MLIP: variants seen among roughly 807,000 people sequenced by gnomAD.
The protein encoded by MLIP is muscular LMNA interacting protein.
Under a neutral mutation model 84.8 loss-of-function variants are expected in MLIP, and 79 were observed. The observed-to-expected ratio is 0.93, with a 90% CI of 0.78 to 1.12. MLIP has a LOEUF of 1.12. Ranked by LOEUF, MLIP falls within the 50% of genes most tolerant of loss-of-function variation. MLIP has a pLI of 0.00. For synonymous variants in MLIP, 504 were observed against 463.0 expected (o/e 1.09, Z -1.14); for missense variants, 1,257 against 1,160.6 (o/e 1.08, Z -1.21).
intron 11 of MLIP, chr6:54,217,172 G>C (rs1779911429): frequency 1.0e-6 from 1 of 985,278 alleles, no homozygotes; most frequent in Admixed American, 6.2e-5. Context: ...AAGGTGTCTT[G>C]TACTCAGACA....
At chr6:54,233,190 T>C (rs1476334105) in intron 12 of MLIP, among the ~76,000 whole-genome samples, 2 of 152,194 alleles carry the variant, frequency 1.3e-5, no homozygotes, top group Non-Finnish European at 2.9e-5. Flanking sequence ...TTTTTTGTTT[T>C]AATTATACTT....
chr6:54,172,782 G>A (rs1156400310), intron 9 of MLIP, among the ~76,000 whole-genome samples: 5 of 151,344 alleles, frequency 3.3e-5, no homozygotes, highest in Admixed American at 1.3e-4. Flanking sequence ...TTTATTGCAC[G>A]TATTGTGACA....
intron 1 of MLIP, among the ~76,000 whole-genome samples, chr6:54,106,134 G>T (rs1561934504): frequency 6.6e-6 from 1 of 152,092 alleles, no homozygotes; most frequent in Non-Finnish European, 1.5e-5. Context: ...GAGAGACTGG[G>T]CTACAGAGTG....
In MLIP at chr6:54,066,983, T is replaced by C. The variant is rs1766250951; in HGVS notation, c.63+47892T>C. ...TGAGTGATATCCAGAGGAAAAAAAA[T>C]CTACTTTCATTCCCATTTTGAGGCC... On this transcript the variant is annotated intron_variant, in intron 1 of 12. Coordinates refer to the MLIP transcript ENST00000274897. Among the ~76,000 whole-genome samples the C allele has an allele frequency of 2.0e-5, 2 of 100,538 alleles. 1 individual carries two copies. The highest frequency in any genetic ancestry group is 5.7e-5 in the Non-Finnish European group (2 of 34,894). The allele number at this position is 100,538 out of a possible 152,430, so 66.0% of individuals were successfully genotyped here.
At chr6:54,227,364 G>A (rs1326488734) in intron 11 of MLIP, among the ~76,000 whole-genome samples, 1 of 152,108 alleles carries the variant, frequency 6.6e-6, no homozygotes, top group Admixed American at 6.5e-5. Context: ...AAGGAAATGA[G>A]ATGAGAATTT....
intron 5 of MLIP, among the ~76,000 whole-genome samples, chr6:54,154,746 A>G (rs1349205318): frequency 1.3e-5 from 2 of 152,180 alleles, no homozygotes; most frequent in African/African-American, 4.8e-5. Context: ...AAATGAGAGC[A>G]AGAAGAGTAT....
intron 1 of MLIP, among the ~76,000 whole-genome samples, chr6:54,040,463 G>C (rs1249651863): frequency 6.6e-6 from 1 of 151,994 alleles, no homozygotes; most frequent in Non-Finnish European, 1.5e-5. Context: ...ACACAGTGTT[G>C]ATGGGAATGT....
chr6:54,256,977 C>G (rs143672696), intron 12 of MLIP, among the ~76,000 whole-genome samples: 1 of 152,048 alleles, frequency 6.6e-6, no homozygotes. Context: ...TTTGTTTCCT[C>G]TCTATGAAAT....
At chr6:54,182,678 G>A (rs1777003545) in intron 9 of MLIP, among the ~76,000 whole-genome samples, 1 of 151,926 alleles carries the variant, frequency 6.6e-6, no homozygotes, top group Admixed American at 6.6e-5. Flanking sequence ...GGAATTTTTT[G>A]TCTTTGCATT....
rs565295903 is a variant in MLIP, at chr6:54,142,918, C to A, written c.2217+4632C>A. On this transcript the variant is annotated intron_variant, in intron 4 of 13. Transcript: ENST00000502396. ...CGTGAAATGAAAAAAACAACAACAACAAAAAAAAAACGCTGAAACTAGCCT... is the reference window on the plus strand; with the variant it reads ...CGTGAAATGAAAAAAACAACAACAAAAAAAAAAAAACGCTGAAACTAGCCT... 5.3e-3 allele frequency among the ~76,000 whole-genome samples: 784 copies of A among 148,990 alleles called. 2 individuals are homozygous for A. The highest frequency in any genetic ancestry group is 0.01 in the Middle Eastern group (3 of 292).
intron 1 of MLIP, among the ~76,000 whole-genome samples, chr6:54,080,186 C>T (rs1465244158): frequency 6.6e-6 from 1 of 152,126 alleles, no homozygotes; most frequent in Non-Finnish European, 1.5e-5. Context: ...TTCATGGTCG[C>T]CTTTGCTTCC....
At chr6:54,085,987 C>G (rs894843980) in intron 1 of MLIP, among the ~76,000 whole-genome samples, 1 of 152,140 alleles carries the variant, frequency 6.6e-6, no homozygotes, top group Non-Finnish European at 1.5e-5. Context: ...CCTTTGTATT[C>G]TCTCCCAGAC....
At chr6:54,021,192 A>C (rs1763481121) in intron 1 of MLIP, among the ~76,000 whole-genome samples, 1 of 152,202 alleles carries the variant, frequency 6.6e-6, no homozygotes, top group African/African-American at 2.4e-5. Context: ...CAGTTGAAAA[A>C]TGTATTTTTG....
chr6:54,157,175 T>A (rs975231182), intron 5 of MLIP, among the ~76,000 whole-genome samples: 2 of 152,136 alleles, frequency 1.3e-5, no homozygotes, highest in African/African-American at 4.8e-5. Context: ...AACAAAATCC[T>A]GTCCTGAGGA....
intron 1 of MLIP, among the ~76,000 whole-genome samples, chr6:54,093,122 C>T (rs1167940827): frequency 2.0e-5 from 3 of 152,074 alleles, no homozygotes; most frequent in Non-Finnish European, 4.4e-5. Flanking sequence ...GGTGATCTGC[C>T]TGCCTCAGCG....
At chr6:54,222,299 T>A (rs1311025232) in intron 11 of MLIP, among the ~76,000 whole-genome samples, 1 of 151,986 alleles carries the variant, frequency 6.6e-6, no homozygotes, top group African/African-American at 2.4e-5. Flanking sequence ...AATATTGCCA[T>A]TCATTAGATC....
chr6:54,260,563 C>A (rs1783316069), intron 13 of MLIP, among the ~76,000 whole-genome samples: 1 of 151,884 alleles, frequency 6.6e-6, no homozygotes, highest in African/African-American at 2.4e-5. Flanking sequence ...TCAAATAAAT[C>A]CATCATTCAA....
Position 54,249,460 on chromosome 6 carries a change from T to C in MLIP, c.2923-7848T>C, listed in dbSNP as rs149623280. ...ATACAGATTAAATCTTTAAGACATA[T>C]AGCTAATTCTTTTTTTTTGATATGA... On this transcript the variant is annotated intron_variant, in intron 12 of 13. Coordinates refer to ENST00000502396, the MANE Select transcript of MLIP (RefSeq NM_001281747.2). 1.1e-4 allele frequency among the ~76,000 whole-genome samples: 16 copies of C among 152,040 alleles called. 1 individual carries two copies. Among genetic ancestry groups the C allele is most frequent in the East Asian group, 3.9e-4 (2 of 5,174 alleles).
In MLIP at chr6:54,115,963, T is replaced by A. The variant is rs76435474; in HGVS notation, c.96+4388T>A. Among the ~76,000 whole-genome samples, 1,267 of 152,296 alleles carry A rather than the reference T, an allele frequency of 8.3e-3. 19 individuals are homozygous for A. Among genetic ancestry groups the A allele is most frequent in the African/African-American group, 0.028 (1,178 of 41,558 alleles). ...AAAATAAGATACAGATATGTAAGAT[T>A]TTTTTAATTGCTCACTGAATTCCAG... is the stretch of plus-strand genomic sequence containing the variant. On this transcript the variant is annotated intron_variant, in intron 1 of 13. Transcript: ENST00000502396.
Sources: allele counts gnomAD v4.1 joint callset (sites outside exome capture counted in the v4.1 genomes callset), GRCh38; gene constraint gnomAD v4.1.1; transcripts MANE v1.5; gene names NCBI Gene and HGNC (gene_info 2026-07-23, HGNC 2026-07-21).